Variants in KCND3 observed in about 807,000 individuals in gnomAD.
KCND3 encodes the protein A-type voltage-gated potassium channel KCND3.
Under a neutral mutation model 51.1 loss-of-function variants are expected in KCND3, and 9 were observed. That is an observed-to-expected ratio of 0.18 (90% CI 0.11 to 0.31). The LOEUF is 0.31. Among genes scored for constraint, KCND3 ranks in the 10% least tolerant of loss-of-function variants. The pLI is 1.00. For missense variants in KCND3, 526 were observed against 903.8 expected, an observed-to-expected ratio of 0.58 and a Z score of 5.36; for synonymous variants, 349 against 368.0, an observed-to-expected ratio of 0.95 and a Z score of 0.59.
intron 2 of KCND3, among the ~76,000 whole-genome samples, chr1:111,826,513 T>C (rs1308554891): frequency 6.6e-6 from 1 of 152,198 alleles, no homozygotes; most frequent in African/African-American, 2.4e-5. Flanking sequence ...ACACCCACCA[T>C]CATCTGCCAT....
intron 2 of KCND3, among the ~76,000 whole-genome samples, chr1:111,971,468 C>A (rs1039991946): frequency 1.3e-5 from 2 of 152,134 alleles, no homozygotes; most frequent in Admixed American, 6.5e-5. Flanking sequence ...ATAGACAGCA[C>A]CAAAGTTCCT....
At chr1:111,863,825 C>T (rs894625204) in intron 2 of KCND3, among the ~76,000 whole-genome samples, 2 of 152,134 alleles carry the variant, frequency 1.3e-5, no homozygotes, top group Non-Finnish European at 2.9e-5. Context: ...GGGAGACCAG[C>T]TGAAAGACAA....
At chr1:111,890,990 A>AGG (rs966211109) in intron 2 of KCND3, among the ~76,000 whole-genome samples, 1 of 152,118 alleles carries the variant, frequency 6.6e-6, no homozygotes, top group Non-Finnish European at 1.5e-5. Context: ...GGTGGGTTTG[A>AGG]GGGGGCGTGG....
intron 2 of KCND3, among the ~76,000 whole-genome samples, chr1:111,808,340 T>C (rs932546198): frequency 1.3e-5 from 2 of 152,236 alleles, no homozygotes; most frequent in African/African-American, 4.8e-5. Flanking sequence ...TTGTTCATAC[T>C]GACAGGTACT....
chr1:111,853,653 G>A (rs139504911), intron 2 of KCND3: 120 of 152,204 alleles, frequency 7.9e-4, no homozygotes, highest in African/African-American at 2.8e-3. Flanking sequence ...TCATTCCTGT[G>A]TCCCCACCCC....
chr1:111,776,474 T>C (rs954155656), intron 7 of KCND3, among the ~76,000 whole-genome samples, 196 bp from the exon 8 acceptor site: 1 of 152,238 alleles, frequency 6.6e-6, no homozygotes, highest in Non-Finnish European at 1.5e-5. Context: ...AAGTTGTATA[T>C]AGTAGGCTTT....
chr1:111,841,704 C>T (rs542285052), intron 2 of KCND3, among the ~76,000 whole-genome samples: 4 of 152,368 alleles, frequency 2.6e-5, no homozygotes, highest in African/African-American at 9.6e-5. Context: ...GAGGCCACCA[C>T]ATAAGGGCAC....
At chr1:111,960,641 A>G (rs1436642608) in intron 2 of KCND3, among the ~76,000 whole-genome samples, 2 of 152,168 alleles carry the variant, frequency 1.3e-5, no homozygotes, top group African/African-American at 4.8e-5. Flanking sequence ...GTAGGGGGAG[A>G]AATCCCATGT....
chr1:111,895,285 T>C (rs2587368), intron 2 of KCND3, among the ~76,000 whole-genome samples: 96,041 of 150,078 alleles, frequency 0.64, 30,991 homozygotes, highest in East Asian at 0.89. Context: ...TGCCTGGGGG[T>C]TTCTCTGCTT....
At chr1:111,800,749 G>A (rs765930324) in intron 2 of KCND3, among the ~76,000 whole-genome samples, 1 of 152,198 alleles carries the variant, frequency 6.6e-6, no homozygotes, top group Non-Finnish European at 1.5e-5. Context: ...GCCTAGTGAT[G>A]AGCCAGCCCC....
intron 2 of KCND3, among the ~76,000 whole-genome samples, chr1:111,835,556 T>C (rs911931045): frequency 1.3e-5 from 2 of 152,166 alleles, no homozygotes; most frequent in Non-Finnish European, 1.5e-5. Context: ...AAGATGGCAA[T>C]GAAAGTGACC....
intron 2 of KCND3, among the ~76,000 whole-genome samples, chr1:111,857,420 A>T (rs1418151039): frequency 1.3e-5 from 2 of 151,950 alleles, no homozygotes; most frequent in Non-Finnish European, 2.9e-5. Flanking sequence ...TGATGGAGTG[A>T]GTGTTGTCCT....
chr1:111,904,950 G>A (rs768490436), intron 2 of KCND3, among the ~76,000 whole-genome samples: 1 of 152,190 alleles, frequency 6.6e-6, no homozygotes, highest in Non-Finnish European at 1.5e-5. Context: ...CAGGCCACCT[G>A]CAGAGGGGGC....
chr1:111,983,012 T>C (rs555609790), intron 1 of KCND3, among the ~76,000 whole-genome samples: 1 of 152,226 alleles, frequency 6.6e-6, no homozygotes, highest in Admixed American at 6.5e-5. Context: ...CAGGGTGGGA[T>C]CGCCAGATGT....
At chr1:111,822,670 G>C (rs186309215) in intron 2 of KCND3, among the ~76,000 whole-genome samples, 3 of 152,284 alleles carry the variant, frequency 2.0e-5, no homozygotes, top group Non-Finnish European at 4.4e-5. Flanking sequence ...CTATGAGTAT[G>C]GGCATATGAA....
Position 111,780,561 on chromosome 1 carries a change from A to G in KCND3, c.1371+129T>C. On this transcript the variant is annotated intron_variant, in intron 4 of 7. Transcript: ENST00000302127. This position sits in a 1 kb window ranked among gnomAD's most constrained non-coding sequence, Gnocchi z 4.2. ...GTGAATGGGGGGCTGCTACCTGGGG[A>G]AAGTTTGGAAACGTGTCCTCCTTGG... is the stretch of plus-strand genomic sequence containing the variant. 1.1e-6 allele frequency: 1 copy of G among 888,414 alleles called. No homozygotes were observed. The highest frequency in any genetic ancestry group is 2.0e-5 in the Admixed American group (1 of 49,820). The allele number at this position is 888,414 out of a possible 1,614,324, so 55.0% of individuals were successfully genotyped here. A position where few individuals can be genotyped will look rare whatever the true frequency, so the allele number is the denominator to read the frequency against.
At chr1:111,955,467 G>T (rs1246269214) in intron 2 of KCND3, among the ~76,000 whole-genome samples, 1 of 152,158 alleles carries the variant, frequency 6.6e-6, no homozygotes, top group Non-Finnish European at 1.5e-5. Flanking sequence ...GCCTCTCATG[G>T]TGTCCCTGGG....
chr1:111,782,179 G>C (rs1311586084), intron 3 of KCND3, among the ~76,000 whole-genome samples: 5 of 152,170 alleles, frequency 3.3e-5, no homozygotes, highest in Non-Finnish European at 7.3e-5. Context: ...GTCCTGCTGG[G>C]CTGGTTCATC....
Position 111,774,797 on chromosome 1 carries a change from C to T in KCND3, c.*1280G>A, listed in dbSNP as rs1263907713. The T allele has an allele frequency of 1.3e-5, 2 of 152,202 alleles. No homozygotes were observed. The highest frequency in any genetic ancestry group is 3.8e-4 in the East Asian group (2 of 5,198). 9.4% of individuals were successfully genotyped at this position (152,202 alleles called of 1,614,324 possible). On this transcript the variant is annotated 3_prime_UTR_variant, in exon 8 of 8. Transcript: ENST00000302127. ...GGAATCTTGGTCCCCGTACCACTGC[C>T]CTCTCTGGAGAAAACTACTCCCGGG...
Sources: allele counts gnomAD v4.1 joint callset (sites outside exome capture counted in the v4.1 genomes callset), GRCh38; gene constraint gnomAD v4.1.1; non-coding constraint Gnocchi (gnomAD v3.1); transcripts MANE v1.5; gene names NCBI Gene and HGNC (gene_info 2026-07-23, HGNC 2026-07-21).